AGAP1: variants seen among roughly 807,000 people sequenced by gnomAD.
AGAP1 encodes arf-GAP with GTPase, ANK repeat and PH domain-containing protein 1.
AGAP1 carries 29 observed loss-of-function variants against 105.3 expected under a neutral mutation model. The observed-to-expected ratio is 0.28, with a 90% CI of 0.21 to 0.38. The LOEUF (loss-of-function observed/expected upper bound fraction) is 0.38. Among genes scored for constraint, AGAP1 ranks in the 10% least tolerant of loss-of-function variants. AGAP1 has a pLI of 1.00. For missense variants in AGAP1, 998 were observed against 1,165.1 expected, an observed-to-expected ratio of 0.86 and a Z score of 2.09; for synonymous variants, 509 against 485.9, an observed-to-expected ratio of 1.05 and a Z score of -0.63.
intron 16 of AGAP1, among the ~76,000 whole-genome samples, chr2:236,066,175 C>CA (rs542265466): frequency 1.4e-3 from 212 of 152,334 alleles, no homozygotes; most frequent in Non-Finnish European, 2.5e-3. Context: ...CCCTGATTTG[C>CA]AGGCTGCAGT....
intron 6 of AGAP1, among the ~76,000 whole-genome samples, chr2:235,772,127 T>C (rs1955510157): frequency 6.6e-6 from 1 of 151,694 alleles, no homozygotes; most frequent in South Asian, 2.1e-4. Context: ...CCCAAGTAGC[T>C]GAGATTACAT....
intron 1 of AGAP1, among the ~76,000 whole-genome samples, chr2:235,594,289 G>GTT (rs71400775): frequency 1.3e-5 from 2 of 148,374 alleles, no homozygotes; most frequent in Non-Finnish European, 3.0e-5. Context: ...GCATTCTGGG[G>GTT]TTTTTTTTTT....
At position 236,051,580 on chromosome 2, in the gene AGAP1, C is replaced by T. The variant is rs371045196; in HGVS notation, c.2114+2299C>T. On this transcript the variant is annotated intron_variant, in intron 16 of 17. Coordinates refer to ENST00000304032, the MANE Select transcript of AGAP1 (RefSeq NM_001037131.3). This position sits in a 1 kb window ranked among gnomAD's most constrained non-coding sequence, Gnocchi z 5.9. ...GCCTGTGGGGAGGTGTGCCTGTCGG[C>T]GAGTACAGCACCGTGGACGGGAGCC... 5.3e-5 allele frequency among the ~76,000 whole-genome samples: 8 copies of T among 152,032 alleles called. No homozygotes were observed. The East Asian group carries it at 1.4e-3, about 26-fold the overall frequency.
intron 10 of AGAP1, among the ~76,000 whole-genome samples, chr2:235,894,574 G>A (rs1299172133): frequency 1.3e-5 from 2 of 151,878 alleles, no homozygotes; most frequent in Non-Finnish European, 2.9e-5. Flanking sequence ...ACATGCATAG[G>A]ACCATACATA....
rs554264016 is a variant in AGAP1 at position 235,616,954 on chromosome 2, T to C, written c.164-92225T>C. 3.4e-5 allele frequency among the ~76,000 whole-genome samples: 3 copies of C among 89,408 alleles called. No homozygotes were observed. In the South Asian group the frequency reaches 8.3e-4, roughly 25 times the overall value. 58.7% of individuals were successfully genotyped at this position (89,408 alleles called of 152,430 possible). On this transcript the variant is annotated intron_variant, in intron 1 of 17. Transcript: ENST00000304032. ...AAATGAACAAACGTGCATCTTTAAA[T>C]TTTTTTTATTTTTTTTTTTTAAGCT...
intron 17 of AGAP1, among the ~76,000 whole-genome samples, chr2:236,122,925 C>T (rs1369196336): frequency 7.9e-5 from 12 of 152,100 alleles, no homozygotes; most frequent in African/African-American, 2.7e-4. Context: ...CCTTGTGATC[C>T]GCCCTCCTCG....
rs982125268 is a variant in AGAP1 at position 235,714,427 on chromosome 2, C to T, written c.223-3130C>T. Among the ~76,000 whole-genome samples the T allele has an allele frequency of 2.0e-5, 3 of 151,936 alleles. No individual in the cohort carries two copies. The highest frequency in any genetic ancestry group is 4.4e-5 in the Non-Finnish European group (3 of 68,006). On this transcript the variant is annotated intron_variant, in intron 2 of 17. Transcript: ENST00000304032. The surrounding 1 kb of genome is among the most constrained non-coding windows in gnomAD (Gnocchi z 4.1). ...CTTGTCAGAGGAGGTGACATCTGAA[C>T]TGATAGTAAGAGTAGGTTTCGGGGA...
At chr2:235,727,690 CCT>C (rs1266526399) in intron 3 of AGAP1, among the ~76,000 whole-genome samples, 1 of 152,242 alleles carries the variant, frequency 6.6e-6, no homozygotes, top group Non-Finnish European at 1.5e-5. Flanking sequence ...CACCACTCCT[CCT>C]CTCCGCTTCT....
intron 1 of AGAP1, among the ~76,000 whole-genome samples, chr2:235,544,571 A>G (rs761771743): frequency 6.6e-6 from 1 of 152,150 alleles, no homozygotes; most frequent in Non-Finnish European, 1.5e-5. Context: ...CCCTTCCTCT[A>G]TTATGCACGA....
intron 16 of AGAP1, among the ~76,000 whole-genome samples, chr2:236,100,689 G>A (rs533955098): frequency 7.2e-5 from 11 of 152,188 alleles, no homozygotes; most frequent in Non-Finnish European, 1.3e-4. Flanking sequence ...TTAGCCAGAC[G>A]TGGTGTGGTG....
chr2:235,619,196 T>A lies in AGAP1; in HGVS notation c.164-89983T>A, dbSNP rs1946397291. Among the ~76,000 whole-genome samples, 3 of 152,218 alleles carry A rather than the reference T, an allele frequency of 2.0e-5. No individual in the cohort carries two copies. In the South Asian group the frequency reaches 6.2e-4, roughly 32 times the overall value. On this transcript the variant is annotated intron_variant, in intron 1 of 17. Transcript: ENST00000304032. ...GTTGTGTCAAGCAAGCCACCAAGTT[T>A]GTGGTTTGTTACAGTGGTAATAGGG...
rs142716909 is a variant in AGAP1, at chr2:236,062,457, G to T, written c.2114+13176G>T. ...GTATTTTGTTGTTGTTGTTGTTGTT[G>T]TTGTTACTTTTCATTTATTTTCATG... On this transcript the variant is annotated intron_variant, in intron 16 of 17. Coordinates refer to ENST00000304032, the MANE Select transcript of AGAP1 (RefSeq NM_001037131.3). The surrounding 1 kb of genome is among the most constrained non-coding windows in gnomAD (Gnocchi z 4.2). Among the ~76,000 whole-genome samples the T allele has an allele frequency of 6.8e-6, 1 of 146,554 alleles. No homozygotes were observed. Among genetic ancestry groups the T allele is most frequent in the East Asian group, 2.0e-4 (1 of 4,900 alleles).
rs185446661 is a variant in AGAP1, at chr2:236,026,451, G to A, written c.1646-10110G>A. Among the ~76,000 whole-genome samples the A allele has an allele frequency of 5.9e-5, 9 of 152,290 alleles. No individual in the cohort carries two copies. The East Asian group carries it at 9.7e-4, about 16-fold the overall frequency. ...CAGTTAGAAAGAAGTATGACACGCC[G>A]GGCACGGTTGCTCATGCCTGTAATC... On this transcript the variant is annotated intron_variant, in intron 13 of 17. Transcript: ENST00000304032.
At chr2:235,829,000 G>C (rs533011616) in intron 9 of AGAP1, among the ~76,000 whole-genome samples, 2 of 152,296 alleles carry the variant, frequency 1.3e-5, no homozygotes, top group Non-Finnish European at 2.9e-5. Context: ...TTTGTGGACT[G>C]GTACAGAGTT....
chr2:236,053,054 C>T lies in AGAP1; in HGVS notation c.2114+3773C>T, dbSNP rs1050276104. ...GTAACACCCGGCTTGTGCGTGTGTG[C>T]GGTACCATAACGTAGCGTGTTGTAG... is the stretch of plus-strand genomic sequence containing the variant. On this transcript the variant is annotated intron_variant, in intron 16 of 17. Transcript: ENST00000304032. This position sits in a 1 kb window ranked among gnomAD's most constrained non-coding sequence, Gnocchi z 4.6. Among the ~76,000 whole-genome samples, 11 of 152,114 alleles carry T rather than the reference C, an allele frequency of 7.2e-5. No individual in the cohort carries two copies. Among genetic ancestry groups the T allele is most frequent in the African/African-American group, 2.4e-4 (10 of 41,418 alleles).
rs377072789 is a variant in AGAP1, at chr2:236,090,018, A to G, written c.2115-30174A>G. ...ACAGCAGCTCCCTGGCTGCAAATGA[A>G]TCCATCGGATACAGAAGTTTTGAGG... On this transcript the variant is annotated intron_variant, in intron 16 of 17. Coordinates refer to ENST00000304032, the MANE Select transcript of AGAP1 (RefSeq NM_001037131.3). This position sits in a 1 kb window ranked among gnomAD's most constrained non-coding sequence, Gnocchi z 4.3. Among the ~76,000 whole-genome samples the G allele has an allele frequency of 2.0e-5, 3 of 152,100 alleles. No individual in the cohort carries two copies. The East Asian group carries it at 5.8e-4, about 29-fold the overall frequency.
chr2:235,985,297 G>T (rs1184980710), intron 13 of AGAP1, among the ~76,000 whole-genome samples: 2 of 152,230 alleles, frequency 1.3e-5, no homozygotes, highest in African/African-American at 2.4e-5. Context: ...TTTTGATGGG[G>T]TTGTTTGTTT....
At position 235,705,048 on chromosome 2, in the gene AGAP1, G is replaced by A. The variant is rs1291403295; in HGVS notation, c.164-4131G>A. 1.6e-5 allele frequency among the ~76,000 whole-genome samples: 2 copies of A among 128,932 alleles called. No individual in the cohort carries two copies. The highest frequency in any genetic ancestry group is 2.9e-5 in the African/African-American group (1 of 33,946). 84.6% of individuals were successfully genotyped at this position (128,932 alleles called of 152,430 possible). Reference sequence around the variant, plus strand: ...GGCTGGAGTGCAATGGTGGGATCTCGGCTCGCTGCAACCTCTACCTCCCGG... The same window carrying A: ...GGCTGGAGTGCAATGGTGGGATCTCAGCTCGCTGCAACCTCTACCTCCCGG... On this transcript the variant is annotated intron_variant, in intron 1 of 17. Transcript: ENST00000304032. The surrounding 1 kb of genome is among the most constrained non-coding windows in gnomAD (Gnocchi z 4.9).
chr2:235,505,766 C>G (rs1423023534), intron 1 of AGAP1: 1 of 151,910 alleles, frequency 6.6e-6, no homozygotes, highest in Non-Finnish European at 1.5e-5. Context: ...ATTGGAGCAT[C>G]CAGAACAGAG....
Sources: gnomAD v4.1 joint callset for allele counts (sites outside exome capture counted in the v4.1 genomes callset) on GRCh38, gnomAD v4.1.1 for gene constraint, Gnocchi (gnomAD v3.1) non-coding constraint, MANE v1.5 for transcripts, NCBI Gene and HGNC (gene_info 2026-07-23, HGNC 2026-07-21) for gene names.